Variants in NECTIN3 observed in about 807,000 individuals in gnomAD.
NECTIN3 encodes the protein nectin-3.
Under a neutral mutation model 49.4 loss-of-function variants are expected in NECTIN3, and 8 were observed. That is an observed-to-expected ratio of 0.16 (90% CI 0.10 to 0.29). NECTIN3 has a LOEUF of 0.29. Ranked by LOEUF, NECTIN3 falls within the 10% of genes least tolerant of loss-of-function variation. NECTIN3 has a pLI of 1.00. For missense variants in NECTIN3, 581 were observed against 654.6 expected (o/e 0.89, Z 1.23); for synonymous variants, 277 against 241.1 (o/e 1.15, Z -1.38).
exon 7 of NECTIN3, chr3:111,147,429 C>G: frequency 6.5e-7 from 1 of 1,533,134 alleles, no homozygotes; most frequent in African/African-American, 1.4e-5. Flanking sequence ...ACACATAAAC[C>G]ACCTCCTCTG....
chr3:111,116,612 G>A (rs1309064462), intron 2 of NECTIN3, among the ~76,000 whole-genome samples: 2 of 151,984 alleles, frequency 1.3e-5, no homozygotes, highest in Non-Finnish European at 2.9e-5. Flanking sequence ...TTTGCACCAC[G>A]TATAATCACA....
At chr3:111,128,918 C>G (rs1183472454) in intron 5 of NECTIN3, among the ~76,000 whole-genome samples, 3 of 152,166 alleles carry the variant, frequency 2.0e-5, no homozygotes, top group African/African-American at 7.2e-5. Flanking sequence ...CATGTCACTC[C>G]TCTCCTCAAA....
At chr3:111,168,756 C>T (rs147550412) in intron 7 of NECTIN3, among the ~76,000 whole-genome samples, 371 of 152,310 alleles carry the variant, frequency 2.4e-3, no homozygotes, top group African/African-American at 8.3e-3. Flanking sequence ...CGAAAGAATA[C>T]AGGTTTTCAA....
intron 1 of NECTIN3, among the ~76,000 whole-genome samples, chr3:111,085,437 T>C (rs889302223): frequency 1.3e-5 from 2 of 152,176 alleles, no homozygotes; most frequent in African/African-American, 4.8e-5. Flanking sequence ...AATTGACGTA[T>C]ACATCAGAAA....
In NECTIN3 at chr3:111,112,238, T is replaced by C. The variant is rs749609337; in HGVS notation, c.369T>C (p.Phe123=). Reference sequence around the variant, plus strand: ...GAGAATATCAGGGAAGAGTCTTGTTTAAAAATTACTCACTTAATGATGCAA... The same window carrying C: ...GAGAATATCAGGGAAGAGTCTTGTTCAAAAATTACTCACTTAATGATGCAA... ...VQGEYQGRVL[F]KNYSLNDATI... The change falls in exon 2 of 6, where the codon TTT becomes TTC. Residue 123 remains phenylalanine, a synonymous_variant. Transcript: ENST00000485303. The C allele has an allele frequency of 6.2e-7, 1 of 1,613,810 alleles. No homozygotes were observed. Among genetic ancestry groups the C allele is most frequent in the Non-Finnish European group, 8.5e-7 (1 of 1,179,810 alleles).
intron 1 of NECTIN3, among the ~76,000 whole-genome samples, chr3:111,101,597 G>A (rs1415123465): frequency 6.6e-6 from 1 of 152,062 alleles, no homozygotes; most frequent in Non-Finnish European, 1.5e-5. Context: ...TTCTAGAATT[G>A]TGTTATCTAG....
chr3:111,164,887 C>A (rs1263022724), intron 7 of NECTIN3, among the ~76,000 whole-genome samples: 1 of 152,124 alleles, frequency 6.6e-6, no homozygotes, highest in African/African-American at 2.4e-5. Context: ...TCAACACACA[C>A]CACCATGTAA....
upstream of NECTIN3, among the ~76,000 whole-genome samples, chr3:111,188,993 G>T (rs902314046): frequency 1.3e-5 from 2 of 152,042 alleles, no homozygotes; most frequent in Admixed American, 6.6e-5. Flanking sequence ...CCCCCACACT[G>T]CCACAAGGAA....
Position 111,135,392 on chromosome 3 carries a change from T to C in NECTIN3, c.*1177T>C. ...AAAACTGGAAACATGAGGTTTTTTGTTTTTGTTTTTTTACATAATTACATA... is the reference window on the plus strand; with the variant it reads ...AAAACTGGAAACATGAGGTTTTTTGCTTTTGTTTTTTTACATAATTACATA... On this transcript the variant is annotated 3_prime_UTR_variant, in exon 6 of 6. Coordinates refer to ENST00000485303, the MANE Select transcript of NECTIN3 (RefSeq NM_015480.3). 3 of 932,182 alleles carry C rather than the reference T, an allele frequency of 3.2e-6. No homozygotes were observed. The highest frequency in any genetic ancestry group is 3.8e-6 in the Non-Finnish European group (3 of 781,802). 57.7% of individuals were successfully genotyped at this position (932,182 alleles called of 1,614,324 possible).
intron 7 of NECTIN3, among the ~76,000 whole-genome samples, chr3:111,180,832 T>C (rs1576184088): frequency 6.6e-6 from 1 of 152,220 alleles, no homozygotes; most frequent in Admixed American, 6.5e-5. Flanking sequence ...ATGTACTTTT[T>C]TCGTAGCAGA....
intron 7 of NECTIN3, among the ~76,000 whole-genome samples, chr3:111,180,572 A>G (rs930333464): frequency 4.6e-5 from 7 of 152,176 alleles, no homozygotes. Flanking sequence ...CACAGTTTTA[A>G]TAATATTATA....
intron 7 of NECTIN3, among the ~76,000 whole-genome samples, chr3:111,184,925 C>T (rs2035691989): frequency 6.6e-6 from 1 of 152,206 alleles, no homozygotes; most frequent in African/African-American, 2.4e-5. Context: ...AGGTGTGAAC[C>T]TGGGTCTCTG....
chr3:111,074,737 G>A (rs2031054910), intron 1 of NECTIN3, among the ~76,000 whole-genome samples: 1 of 151,906 alleles, frequency 6.6e-6, no homozygotes, highest in South Asian at 2.1e-4. Context: ...AGATTCCTAG[G>A]TATAAGTGTC....
At chr3:111,117,548 T>C (rs2033738831) in intron 2 of NECTIN3, among the ~76,000 whole-genome samples, 1 of 152,064 alleles carries the variant, frequency 6.6e-6, no homozygotes, top group Non-Finnish European at 1.5e-5. Context: ...ATGCATCTTA[T>C]GAAAGGAACT....
intron 1 of NECTIN3, among the ~76,000 whole-genome samples, chr3:111,078,736 T>TA (rs1347713464): frequency 6.6e-6 from 1 of 152,162 alleles, no homozygotes. Context: ...TTTTCCTTTT[T>TA]AAAAAATTAT....
chr3:111,095,559 C>T (rs2032535024), intron 1 of NECTIN3, among the ~76,000 whole-genome samples: 1 of 152,118 alleles, frequency 6.6e-6, no homozygotes, highest in South Asian at 2.1e-4. Context: ...TTCCCCTGCC[C>T]CTTACTTTTT....
chr3:111,150,578 G>T (rs1377679842), intron 7 of NECTIN3, among the ~76,000 whole-genome samples: 2 of 151,830 alleles, frequency 1.3e-5, no homozygotes, highest in African/African-American at 2.4e-5. Flanking sequence ...TGTGTTTTTA[G>T]GTTCCACATA....
intron 7 of NECTIN3, among the ~76,000 whole-genome samples, chr3:111,159,822 C>T (rs1292331434): frequency 2.0e-5 from 3 of 152,178 alleles, no homozygotes; most frequent in Non-Finnish European, 2.9e-5. Context: ...TGATTATGAT[C>T]TCTGTAATTT....
chr3:111,138,866 CAATT>C (rs1214984005), downstream of NECTIN3, among the ~76,000 whole-genome samples: 1 of 151,552 alleles, frequency 6.6e-6, no homozygotes, highest in East Asian at 1.9e-4. Flanking sequence ...TGTACAGTCT[CAATT>C]AAGAGAAATA....
Sources: gnomAD v4.1 joint callset for allele counts (sites outside exome capture counted in the v4.1 genomes callset) on GRCh38, gnomAD v4.1.1 for gene constraint, MANE v1.5 for transcripts, NCBI Gene and HGNC (gene_info 2026-07-23, HGNC 2026-07-21) for gene names.